TENM1: variants seen among roughly 807,000 people sequenced by gnomAD.
TENM1 encodes the protein teneurin transmembrane protein 1.
A neutral mutation model predicts 174.8 loss-of-function variants in TENM1; 35 were observed. That is an observed-to-expected ratio of 0.20 (90% confidence interval 0.15 to 0.27). The LOEUF is 0.27. Ranked by LOEUF, TENM1 falls within the 10% of genes least tolerant of loss-of-function variation. TENM1 has a pLI of 1.00. For missense variants in TENM1, 1,633 were observed against 2,130.1 expected, an observed-to-expected ratio of 0.77 and a Z score of 4.59; for synonymous variants, 781 against 798.7, an observed-to-expected ratio of 0.98 and a Z score of 0.37.
chrX:125,154,863 C>T, the TENM1 span, among the ~76,000 whole-genome samples: 2 of 110,359 alleles, frequency 1.8e-5, no homozygotes. Context: ...TTCGTGGTCT[C>T]GCTGGCTTCA....
intron 3 of TENM1, among the ~76,000 whole-genome samples, chrX:124,769,306 T>C (rs2054602473): frequency 8.9e-6 from 1 of 111,773 alleles, no homozygotes; most frequent in Admixed American, 9.5e-5. Context: ...GATGGCTACA[T>C]TGACTATTAA....
chrX:124,384,439 C>T, exon 30 of TENM1: 2 of 1,210,600 alleles, frequency 1.7e-6, no homozygotes, highest in East Asian at 3.0e-5. Context: ...TCTGAAGTTG[C>T]CCATCAGCAT....
At chrX:124,785,967 G>A (rs765959108) in intron 3 of TENM1, among the ~76,000 whole-genome samples, 5 of 111,495 alleles carry the variant, frequency 4.5e-5, no homozygotes, top group Non-Finnish European at 7.6e-5. Context: ...CTCAAGTAGC[G>A]TTTATATAGG....
chrX:125,061,821 T>C, the TENM1 span, among the ~76,000 whole-genome samples: 1 of 111,379 alleles, frequency 9.0e-6, no homozygotes. Context: ...GGAGGATCGC[T>C]TGAACCCGGG....
intron 5 of TENM1, among the ~76,000 whole-genome samples, chrX:124,676,688 C>T (rs1357135936): frequency 9.2e-6 from 1 of 109,088 alleles, no homozygotes; most frequent in Non-Finnish European, 1.9e-5. Context: ...GAAGCTCTTC[C>T]TCTTCTTAAC....
At chrX:124,398,341 GA>G (rs890648177) in intron 27 of TENM1, among the ~76,000 whole-genome samples, 2 of 98,678 alleles carry the variant, frequency 2.0e-5, no homozygotes, top group African/African-American at 6.9e-5. Context: ...TAATTCCACA[GA>G]TTTTTTTTTT....
intron 25 of TENM1, among the ~76,000 whole-genome samples, chrX:124,418,370 A>G (rs2060616487): frequency 9.6e-6 from 1 of 103,787 alleles, no homozygotes; most frequent in Non-Finnish European, 2.0e-5. Context: ...CACCCCCCAG[A>G]TATTCATATG....
chrX:125,036,820 C>A, the TENM1 span, among the ~76,000 whole-genome samples: 1 of 111,190 alleles, frequency 9.0e-6, no homozygotes, highest in Non-Finnish European at 1.9e-5. Context: ...TCACTCTGGA[C>A]TCTTGACTTC....
intron 1 of TENM1, among the ~76,000 whole-genome samples, chrX:124,958,927 A>G (rs1384582638): frequency 9.0e-6 from 1 of 111,201 alleles, no homozygotes; most frequent in African/African-American, 3.3e-5. Context: ...TATCTTGCTT[A>G]AGTTTACATA....
At chrX:124,688,552 T>C (rs2052432574) in intron 5 of TENM1, 1 of 135,738 alleles carries the variant, frequency 7.4e-6, no homozygotes, top group African/African-American at 3.2e-5. Context: ...CAGGTCTAAA[T>C]AGTGGTAGGG....
intron 1 of TENM1, among the ~76,000 whole-genome samples, chrX:124,939,210 T>G (rs1433758269): frequency 8.9e-6 from 1 of 112,132 alleles, no homozygotes; most frequent in African/African-American, 3.2e-5. Flanking sequence ...TTATACCTAT[T>G]GGACTTCCTC....
At chrX:124,649,885 TAAGATA>T (rs1463695649) in intron 8 of TENM1, among the ~76,000 whole-genome samples, 1 of 109,683 alleles carries the variant, frequency 9.1e-6, no homozygotes, top group African/African-American at 3.4e-5. Context: ...TTACTCTGAT[TAAGATA>T]AAGTTCAAAA....
chrX:124,964,845 T>G (rs1358631285), upstream of TENM1, among the ~76,000 whole-genome samples: 1 of 112,432 alleles, frequency 8.9e-6, no homozygotes. Context: ...TTTATGATTT[T>G]ATTTTGCAGT....
the TENM1 span, among the ~76,000 whole-genome samples, chrX:125,051,943 C>T: frequency 9.1e-6 from 1 of 109,603 alleles, no homozygotes; most frequent in African/African-American, 3.3e-5. Flanking sequence ...GCAACCTTCT[C>T]ATCTGACAAA....
intron 15 of TENM1, among the ~76,000 whole-genome samples, chrX:124,540,360 G>A (rs2048292404): frequency 8.9e-6 from 1 of 111,964 alleles, no homozygotes; most frequent in Non-Finnish European, 1.9e-5. Flanking sequence ...ATCTCTTTCT[G>A]AGGTAGTAAA....
the TENM1 span, among the ~76,000 whole-genome samples, chrX:125,189,402 C>A: frequency 1.8e-5 from 2 of 112,170 alleles, no homozygotes; most frequent in African/African-American, 6.5e-5. Context: ...TTGACAGGAC[C>A]ATCACTGAAC....
chrX:124,469,724 A>G (rs1569533306), intron 22 of TENM1, among the ~76,000 whole-genome samples: 1 of 111,758 alleles, frequency 8.9e-6, no homozygotes, highest in Non-Finnish European at 1.9e-5. Context: ...GGGTTAAAAA[A>G]AGAGAAAAAA....
intron 23 of TENM1, among the ~76,000 whole-genome samples, chrX:124,452,889 T>A (rs1251760673): frequency 5.7e-5 from 6 of 105,446 alleles, no homozygotes; most frequent in African/African-American, 6.9e-5. Context: ...GAGGGATAAC[T>A]TTAGGAGATA....
At chrX:124,930,043 C>T (rs1024643289) in intron 1 of TENM1, among the ~76,000 whole-genome samples, 3 of 109,588 alleles carry the variant, frequency 2.7e-5, no homozygotes, top group Non-Finnish European at 3.8e-5. Context: ...CATACCGTAA[C>T]CTCTATTTCC....
Sources: allele counts gnomAD v4.1 joint callset (sites outside exome capture counted in the v4.1 genomes callset), GRCh38; gene constraint gnomAD v4.1.1; transcripts MANE v1.5; gene names NCBI Gene and HGNC (gene_info 2026-07-23, HGNC 2026-07-21).